The following SCGN variants were observed in gnomAD, a reference collection of about 807,000 sequenced individuals.
SCGN encodes secretagogin.
A neutral mutation model predicts 39.7 loss-of-function variants in SCGN; 30 were observed. The ratio of observed to expected loss-of-function variants is 0.76; its 90% CI spans 0.57 to 1.03. The LOEUF (loss-of-function observed/expected upper bound fraction) is 1.03. Among genes scored for constraint, SCGN ranks in the 50% least tolerant of loss-of-function variants. The probability of loss-of-function intolerance (pLI) is 0.00; values close to 1 mark genes in which losing one functional copy is unlikely to be tolerated. For synonymous variants in SCGN, 106 were observed against 114.1 expected (o/e 0.93, Z 0.45); for missense variants, 353 against 349.4 (o/e 1.01, Z -0.08).
In SCGN at chr6:25,670,012, A is replaced by G; in HGVS notation, c.407A>G (p.Asp136Gly). ...SAAELRNFLR[D>G]LFLHHKKAIS... Reference sequence around the variant, plus strand: ...TTGGCGCCACAGAACTTCCTCCGAGACCTCTTTCTTCACCACAAAAAGGCC... The same window carrying G: ...TTGGCGCCACAGAACTTCCTCCGAGGCCTCTTTCTTCACCACAAAAAGGCC... The change falls in exon 6 of 11, where the codon GAC (aspartate) becomes GGC (glycine). Residue 136 changes from aspartate to glycine, a missense_variant. Asp to Gly is a moderately conservative substitution (Grantham distance 94). Transcript: ENST00000377961. 6.2e-7 allele frequency: 1 copy of G among 1,613,512 alleles called. No homozygotes were observed. Among genetic ancestry groups the G allele is most frequent in the Non-Finnish European group, 8.5e-7 (1 of 1,179,638 alleles).
In SCGN at chr6:25,652,346, CCT is replaced by C; in HGVS notation, c.-57_-56del. On this transcript the variant is annotated 5_prime_UTR_variant, in exon 1 of 11. Transcript: ENST00000377961. ...AAGTCAAGAAATACGGTGAAGGAGT[CCT>C]TCCCAAAGTTGTCTAGGTCCTTCCG... The C allele has an allele frequency of 7.4e-7, 1 of 1,347,022 alleles. No individual in the cohort carries two copies. Among genetic ancestry groups the C allele is most frequent in the Non-Finnish European group, 1.1e-6 (1 of 937,946 alleles). 83.4% of individuals were successfully genotyped at this position (1,347,022 alleles called of 1,614,324 possible). A position where few individuals can be genotyped will look rare whatever the true frequency, so the allele number is the denominator to read the frequency against.
At chr6:25,686,177 C>T (rs9366627) in intron 7 of SCGN, among the ~76,000 whole-genome samples, 46,187 of 151,900 alleles carry the variant, frequency 0.3, 7,661 homozygotes, top group East Asian at 0.67. Flanking sequence ...TTATGAATAA[C>T]GTTGCTACAT....
chr6:25,668,798 T>C (rs931941691), intron 4 of SCGN, among the ~76,000 whole-genome samples: 12 of 152,208 alleles, frequency 7.9e-5, no homozygotes, highest in African/African-American at 2.4e-4. Flanking sequence ...TTTCACTTTC[T>C]TGCGATCTAT....
At chr6:25,654,525 G>GC (rs1423687748) in intron 2 of SCGN, among the ~76,000 whole-genome samples, 8 of 151,570 alleles carry the variant, frequency 5.3e-5, no homozygotes, top group African/African-American at 1.9e-4. Flanking sequence ...ACTGTTTCTT[G>GC]CCTTTCTCTC....
intron 2 of SCGN, among the ~76,000 whole-genome samples, chr6:25,654,438 T>C (rs1183948660): frequency 6.6e-6 from 1 of 152,200 alleles, no homozygotes; most frequent in Non-Finnish European, 1.5e-5. Context: ...TGTCTGTCTC[T>C]CTTTTTTATG....
At chr6:25,655,998 G>A (rs1372170071) in intron 2 of SCGN, among the ~76,000 whole-genome samples, 3 of 152,198 alleles carry the variant, frequency 2.0e-5, no homozygotes, top group Non-Finnish European at 4.4e-5. Context: ...TTACTCTGGG[G>A]AGTGTGTTTG....
rs1272318526 is a variant in SCGN at position 25,677,104 on chromosome 6, G to A, written c.472-4847G>A. On this transcript the variant is annotated intron_variant, in intron 6 of 10. Coordinates refer to ENST00000377961, the MANE Select transcript of SCGN (RefSeq NM_006998.4). ...TTGCTAGCGTGTGAATTTCTATCTC[G>A]GTGCCTTTGTTCTTACATTTGCTAG... Among the ~76,000 whole-genome samples the A allele has an allele frequency of 2.6e-5, 4 of 151,578 alleles. No individual in the cohort carries two copies. The East Asian group carries it at 5.8e-4, about 22-fold the overall frequency.
At chr6:25,692,832 C>G (rs1022840246) in intron 10 of SCGN, among the ~76,000 whole-genome samples, 2 of 152,162 alleles carry the variant, frequency 1.3e-5, no homozygotes, top group East Asian at 3.9e-4. Context: ...TTGGTAACCT[C>G]ATTTTGATTC....
At chr6:25,693,586 T>A (rs558329130) in intron 10 of SCGN, among the ~76,000 whole-genome samples, 1 of 152,256 alleles carries the variant, frequency 6.6e-6, no homozygotes, top group South Asian at 2.1e-4. Context: ...GCCATTCTAT[T>A]GGATAATCCT....
In SCGN at chr6:25,669,549, A is replaced by G; in HGVS notation, c.375A>G (p.Ile125Met). ...RKYDADSSGFISAAELRNFLR... is the reference protein window; with the variant it reads ...RKYDADSSGFMSAAELRNFLR... Reference sequence around the variant, plus strand: ...ATGACGCTGACAGCAGTGGCTTTATATCAGCTGCTGAGCTCCGCGTGAGTG... The same window carrying G: ...ATGACGCTGACAGCAGTGGCTTTATGTCAGCTGCTGAGCTCCGCGTGAGTG... The change falls in exon 5 of 11, where the codon ATA (isoleucine) becomes ATG (methionine). Residue 125 changes from isoleucine to methionine, a missense_variant. Coordinates refer to ENST00000377961, the MANE Select transcript of SCGN (RefSeq NM_006998.4). 2 of 1,613,530 alleles carry G rather than the reference A, an allele frequency of 1.2e-6. No homozygotes were observed. The highest frequency in any genetic ancestry group is 2.2e-5 in the South Asian group (2 of 91,046).
chr6:25,662,475 A>T (rs540640701), intron 3 of SCGN, among the ~76,000 whole-genome samples: 54 of 152,330 alleles, frequency 3.5e-4, no homozygotes, highest in African/African-American at 1.3e-3. Context: ...TCTGAAACTA[A>T]GATATTTTTT....
chr6:25,696,993 A>G (rs1331568656), intron 10 of SCGN, among the ~76,000 whole-genome samples: 1 of 152,184 alleles, frequency 6.6e-6, no homozygotes, highest in African/African-American at 2.4e-5. Context: ...TGTGGTGGAA[A>G]CTAGCGATGG....
intron 6 of SCGN, among the ~76,000 whole-genome samples, chr6:25,671,275 T>G (rs758567921): frequency 6.6e-6 from 1 of 152,234 alleles, no homozygotes; most frequent in African/African-American, 2.4e-5. Flanking sequence ...ACCACCAGGT[T>G]GCGTTCTTAA....
chr6:25,657,026 C>T (rs1281409963), intron 2 of SCGN, among the ~76,000 whole-genome samples: 2 of 152,156 alleles, frequency 1.3e-5, no homozygotes, highest in East Asian at 1.9e-4. Flanking sequence ...AAGTGAAGTT[C>T]GACCCTGTTG....
intron 3 of SCGN, among the ~76,000 whole-genome samples, chr6:25,664,249 C>A (rs1760390643): frequency 6.6e-6 from 1 of 152,148 alleles, no homozygotes; most frequent in African/African-American, 2.4e-5. Context: ...AGAATATAAA[C>A]CATAGCTAAC....
intron 10 of SCGN, among the ~76,000 whole-genome samples, chr6:25,693,308 TG>T (rs1275980230): frequency 6.6e-6 from 1 of 151,512 alleles, no homozygotes; most frequent in Admixed American, 6.6e-5. Flanking sequence ...AAAAATTAGC[TG>T]GGCGTGGTGG....
intron 3 of SCGN, 58 bp from the exon 4 acceptor site, chr6:25,664,885 C>A: frequency 7.6e-7 from 1 of 1,310,640 alleles, no homozygotes; most frequent in South Asian, 1.2e-5. Flanking sequence ...TACCAGGGAG[C>A]ACTCTTGAAA....
chr6:25,689,066 TG>T (rs1219053046), intron 7 of SCGN, 105 bp from the exon 8 acceptor site: 10 of 693,280 alleles, frequency 1.4e-5, no homozygotes, highest in Non-Finnish European at 2.2e-5. Flanking sequence ...GTACCTATTC[TG>T]TTCTGCAGGA....
Position 25,669,490 on chromosome 6 carries a change from A to G in SCGN, c.337-21A>G, listed in dbSNP as rs749630022. The G allele has an allele frequency of 4.4e-6, 7 of 1,604,864 alleles. No homozygotes were observed. In the South Asian group the frequency reaches 5.5e-5, roughly 13 times the overall value. The stretch of plus-strand genomic sequence containing the variant: ...CAAGTTATCTGAGGATAAATTAATT[A>G]GTGACTTTTGTGTATTTCAGATTTG... On this transcript the variant is annotated intron_variant, in intron 4 of 10. Coordinates refer to ENST00000377961, the MANE Select transcript of SCGN (RefSeq NM_006998.4).
Sources: gnomAD v4.1 joint callset for allele counts (sites outside exome capture counted in the v4.1 genomes callset) on GRCh38, gnomAD v4.1.1 for gene constraint, MANE v1.5 for transcripts, NCBI Gene and HGNC (gene_info 2026-07-23, HGNC 2026-07-21) for gene names.